TANC2: variants seen among roughly 807,000 people sequenced by gnomAD.
TANC2 encodes the protein protein TANC2.
In TANC2, 26 loss-of-function variants were observed where a neutral mutation model predicts 210.5. The ratio of observed to expected loss-of-function variants is 0.12; its 90% confidence interval spans 0.09 to 0.17. The LOEUF (loss-of-function observed/expected upper bound fraction) is 0.17, where lower values mean the gene tolerates loss of function less well. Ranked by LOEUF, TANC2 falls within the 10% of genes least tolerant of loss-of-function variation. The pLI, the probability that TANC2 is intolerant of heterozygous loss-of-function variation, is 1.00. For missense variants in TANC2, 2,129 were observed against 2,608.9 expected (o/e 0.82, Z 4.01); for synonymous variants, 931 against 967.1 (o/e 0.96, Z 0.69).
intron 24 of TANC2, chr17:63,413,102 C>T (rs1015991872): frequency 4.5e-6 from 1 of 222,608 alleles, no homozygotes; most frequent in East Asian, 1.0e-4. Flanking sequence ...CAGTGGTTTC[C>T]CTTCTGCAAA....
chr17:63,202,499 A>G (rs763549640), intron 7 of TANC2, among the ~76,000 whole-genome samples: 8 of 152,152 alleles, frequency 5.3e-5, no homozygotes, highest in Non-Finnish European at 1.0e-4. Flanking sequence ...ATTTATGGCT[A>G]GGTTTCTCTT....
Position 63,420,402 on chromosome 17 carries a change from G to A in TANC2, c.4672G>A (p.Val1558Ile). The change falls in exon 28 of 28, where the codon GTA becomes ATA. Residue 1558 changes from valine (V) to isoleucine (I), a missense_variant. Physicochemically the swap from Val to Ile is conservative, Grantham distance 29. Coordinates refer to ENST00000689528, the Ensembl canonical transcript of TANC2. The surrounding 1 kb of genome is among the most constrained non-coding windows in gnomAD (Gnocchi z 4.2). ...TTTTGACTTCCGGTCCAGTAGTTCT[G>A]TAGGCTCTCCCACTAGACAGACCTA... 4 of 1,613,884 alleles carry A rather than the reference G, an allele frequency of 2.5e-6. No individual in the cohort carries two copies. The highest frequency in any genetic ancestry group is 3.4e-6 in the Non-Finnish European group (4 of 1,179,888).
chr17:62,968,215 C>G (rs576098031), intron 1 of TANC2, among the ~76,000 whole-genome samples: 21 of 152,176 alleles, frequency 1.4e-4, no homozygotes, highest in African/African-American at 4.8e-4. Flanking sequence ...TGTGAATATA[C>G]TATATAACAA....
At chr17:63,371,547 A>G (rs889064564) in intron 14 of TANC2, among the ~76,000 whole-genome samples, 2 of 152,210 alleles carry the variant, frequency 1.3e-5, no homozygotes, top group African/African-American at 4.8e-5. Flanking sequence ...TGTCATCATA[A>G]TGAAATCTGT....
intron 2 of TANC2, among the ~76,000 whole-genome samples, chr17:63,073,129 A>G (rs1190206046): frequency 2.6e-5 from 4 of 152,082 alleles, no homozygotes; most frequent in African/African-American, 7.2e-5. Context: ...AAGTGATAAC[A>G]AATTTATAGG....
intron 5 of TANC2, among the ~76,000 whole-genome samples, chr17:63,185,532 A>G (rs980302222): frequency 6.6e-6 from 1 of 152,196 alleles, no homozygotes; most frequent in Non-Finnish European, 1.5e-5. Context: ...GGTTTCTGTA[A>G]AATGGCAAAC....
chr17:62,979,090 T>C (rs1399532186), intron 1 of TANC2, among the ~76,000 whole-genome samples: 6 of 152,194 alleles, frequency 3.9e-5, no homozygotes, highest in African/African-American at 1.4e-4. Flanking sequence ...GTACACGTTA[T>C]ACCACTGTCT....
rs2043828905 is a variant in TANC2, at chr17:63,274,992, A to G, written c.1159+7119A>G. 2.0e-5 allele frequency among the ~76,000 whole-genome samples: 3 copies of G among 152,152 alleles called. No individual in the cohort carries two copies. In the South Asian group the frequency reaches 6.3e-4, roughly 32 times the overall value. ...TTGCTGCCTATTACAAGGAAGGAAG[A>G]AATAGTTTATTTTTATGGATAAATG... On this transcript the variant is annotated intron_variant, in intron 9 of 27. Coordinates refer to ENST00000689528, the Ensembl canonical transcript of TANC2.
chr17:63,405,080 G>A, intron 19 of TANC2, 42 bp from the exon 20 acceptor site: 2 of 1,558,710 alleles, frequency 1.3e-6, no homozygotes, highest in Middle Eastern at 1.7e-4. Context: ...CGCTGGAGAG[G>A]ACCAGAACCA....
chr17:63,071,999 G>T (rs1004012942), intron 2 of TANC2, among the ~76,000 whole-genome samples: 15 of 152,144 alleles, frequency 9.9e-5, no homozygotes, highest in Non-Finnish European at 2.2e-4. Flanking sequence ...GTTCTCAGCT[G>T]TGAAATAGGT....
At chr17:63,325,031 G>A (rs1248908923) in intron 11 of TANC2, among the ~76,000 whole-genome samples, 2 of 135,986 alleles carry the variant, frequency 1.5e-5, no homozygotes, top group Non-Finnish European at 3.1e-5. Flanking sequence ...TCCCAGGACC[G>A]GTTATTTTAG....
Position 63,409,437 on chromosome 17 carries a change from C to T in TANC2, c.3590-2074C>T, listed in dbSNP as rs571013501. On this transcript the variant is annotated intron_variant, in intron 21 of 27. Transcript: ENST00000689528. Reference sequence around the variant, plus strand: ...CTGGCCTCAAGCAGTCCTCCCACCTCGGCCTCCAAAAGTGCTGGGATTATA... The same window carrying T: ...CTGGCCTCAAGCAGTCCTCCCACCTTGGCCTCCAAAAGTGCTGGGATTATA... Among the ~76,000 whole-genome samples, 4 of 152,296 alleles carry T rather than the reference C, an allele frequency of 2.6e-5. No individual in the cohort carries two copies. In the South Asian group the frequency reaches 6.2e-4, roughly 24 times the overall value.
At chr17:62,991,049 A>G (rs1229683671) in intron 1 of TANC2, among the ~76,000 whole-genome samples, 1 of 152,126 alleles carries the variant, frequency 6.6e-6, no homozygotes, top group African/African-American at 2.4e-5. Flanking sequence ...ACTTTTTTTA[A>G]CAGTGTTCAG....
At chr17:63,147,267 T>C (rs768340260) in intron 4 of TANC2, among the ~76,000 whole-genome samples, 13 of 151,966 alleles carry the variant, frequency 8.6e-5, no homozygotes, top group Non-Finnish European at 1.0e-4. Context: ...CACTTGAGCC[T>C]GAGAGGAGGA....
intron 2 of TANC2, among the ~76,000 whole-genome samples, chr17:63,050,481 A>C (rs1423447379): frequency 6.6e-6 from 1 of 152,326 alleles, no homozygotes; most frequent in Admixed American, 6.5e-5. Context: ...GATAAAACAT[A>C]AAACCATGAG....
exon 28 of TANC2, chr17:63,423,190 G>A (rs1254159328): frequency 6.6e-6 from 1 of 152,198 alleles, no homozygotes; most frequent in Non-Finnish European, 1.5e-5. Context: ...GAGTGTTTAT[G>A]AGAGTGTGAT....
intron 3 of TANC2, among the ~76,000 whole-genome samples, chr17:63,094,607 A>C (rs2037320411): frequency 6.6e-6 from 1 of 152,146 alleles, no homozygotes; most frequent in African/African-American, 2.4e-5. Context: ...AGTTCTCTAG[A>C]ATATGTATTG....
intron 3 of TANC2, among the ~76,000 whole-genome samples, chr17:63,078,085 A>T (rs546526907): frequency 3.1e-4 from 47 of 152,110 alleles, no homozygotes; most frequent in Non-Finnish European, 4.3e-4. Flanking sequence ...CATCGTGTAG[A>T]ATTGATATTA....
At chr17:63,361,139 C>T (rs1185323776) in intron 14 of TANC2, among the ~76,000 whole-genome samples, 2 of 152,212 alleles carry the variant, frequency 1.3e-5, no homozygotes, top group African/African-American at 4.8e-5. Flanking sequence ...ATACTGATTT[C>T]CTTTCTTTTG....
Sources: gnomAD v4.1 joint callset for allele counts (sites outside exome capture counted in the v4.1 genomes callset) on GRCh38, gnomAD v4.1.1 for gene constraint, Gnocchi (gnomAD v3.1) non-coding constraint, MANE v1.5 for transcripts, NCBI Gene and HGNC (gene_info 2026-07-23, HGNC 2026-07-21) for gene names.